The following GAB3 variants were observed in gnomAD, a reference collection of about 807,000 sequenced individuals.
The protein encoded by GAB3 is GRB2 associated binding protein 3, also known as GRB2-associated-binding protein 3.
A neutral mutation model predicts 40.4 loss-of-function variants in GAB3; 12 were observed. The ratio of observed to expected loss-of-function variants is 0.30; its 90% CI spans 0.19 to 0.48. GAB3 has a LOEUF of 0.48. Among genes scored for constraint, GAB3 ranks in the 20% least tolerant of loss-of-function variants. The probability of loss-of-function intolerance (pLI) is 0.99; values close to 1 mark genes in which losing one functional copy is unlikely to be tolerated. For missense variants in GAB3, 381 were observed against 461.9 expected (o/e 0.82, Z 1.61); for synonymous variants, 154 against 176.7 (o/e 0.87, Z 1.02).
intron 6 of GAB3, among the ~76,000 whole-genome samples, chrX:154,698,194 T>C (rs369951623): frequency 2.0e-4 from 22 of 112,811 alleles, no homozygotes; most frequent in African/African-American, 6.1e-4. Flanking sequence ...TGTTTAATTG[T>C]TTCTGACCAG....
chrX:154,750,240 T>A (rs1557262507), intron 1 of GAB3, among the ~76,000 whole-genome samples: 1 of 112,505 alleles, frequency 8.9e-6, no homozygotes, highest in Non-Finnish European at 1.9e-5. Context: ...GACCTTATCG[T>A]GAGGACGCTG....
intron 6 of GAB3, among the ~76,000 whole-genome samples, chrX:154,698,858 C>G (rs1438065019): frequency 1.8e-5 from 2 of 112,031 alleles, no homozygotes; most frequent in African/African-American, 6.5e-5. Context: ...CTGCATGTGA[C>G]TGGGTCTGAC....
chrX:154,746,017 A>G (rs1316191533), intron 1 of GAB3, among the ~76,000 whole-genome samples: 1 of 104,435 alleles, frequency 9.6e-6, no homozygotes, highest in African/African-American at 3.6e-5. Flanking sequence ...GTGCCACTGC[A>G]CTTCAGCCTG....
At chrX:154,722,400 C>A (rs2071147672) in intron 1 of GAB3, among the ~76,000 whole-genome samples, 1 of 111,669 alleles carries the variant, frequency 9.0e-6, no homozygotes, top group African/African-American at 3.3e-5. Flanking sequence ...AGCTAAAGAT[C>A]CAACCAGCAT....
chrX:154,721,254 C>T (rs1293709335), intron 1 of GAB3, among the ~76,000 whole-genome samples: 2 of 112,205 alleles, frequency 1.8e-5, no homozygotes, highest in Non-Finnish European at 3.8e-5. Flanking sequence ...TATCTTAGTC[C>T]ATTTTCTTTT....
intron 4 of GAB3, among the ~76,000 whole-genome samples, chrX:154,710,083 A>AC (rs2070908305): frequency 2.0e-5 from 2 of 101,007 alleles, no homozygotes; most frequent in South Asian, 1.3e-3. Flanking sequence ...ATGCATATGC[A>AC]TATCAAATCA....
intron 8 of GAB3, among the ~76,000 whole-genome samples, chrX:154,687,227 A>G (rs1419895176): frequency 2.7e-5 from 3 of 110,370 alleles, no homozygotes; most frequent in Non-Finnish European, 5.7e-5. Flanking sequence ...AAAAACAAAA[A>G]CCAATCTGAG....
chrX:154,692,354 G>T (rs1603423451), intron 8 of GAB3, among the ~76,000 whole-genome samples: 2 of 111,588 alleles, frequency 1.8e-5, no homozygotes, highest in African/African-American at 6.5e-5. Context: ...ATATGCAAAG[G>T]ACTTGAATAG....
At chrX:154,701,793 T>A (rs782313640) in intron 4 of GAB3, among the ~76,000 whole-genome samples, 88 of 111,631 alleles carry the variant, frequency 7.9e-4, no homozygotes, top group African/African-American at 2.8e-3. Flanking sequence ...TACCTAGGAA[T>A]TAACTTAACC....
In GAB3 at chrX:154,700,021, G is replaced by A. The variant is rs1557251814; in HGVS notation, c.1108C>T (p.Arg370Trp). The change falls in exon 5 of 10, where the codon CGG becomes TGG. Residue 370 changes from arginine to tryptophan, a missense_variant. Transcript: ENST00000424127. Reference protein sequence around the residue: ...EGQSLRHRDKRLSLNLPCRFS... With the variant: ...EGQSLRHRDKWLSLNLPCRFS... ...GAACTTACCAAATTCAAACTAAGCC[G>A]CTTGTCTCGGTGTCTTAAGGATTGG... 8 of 1,206,337 alleles carry A rather than the reference G, an allele frequency of 6.6e-6. No individual in the cohort carries two copies. Among genetic ancestry groups the A allele is most frequent in the Non-Finnish European group, 7.8e-6 (7 of 893,252 alleles).
At chrX:154,712,729 C>A in intron 3 of GAB3, 28 bp from the exon 4 acceptor site, 2 of 992,682 alleles carry the variant, frequency 2.0e-6, no homozygotes, top group Non-Finnish European at 2.7e-6. Context: ...GTAAGTTGGA[C>A]TAAAATGCAG....
intron 4 of GAB3, among the ~76,000 whole-genome samples, chrX:154,710,069 C>T (rs1391851596): frequency 2.7e-5 from 3 of 110,198 alleles, no homozygotes; most frequent in South Asian, 8.8e-4. Context: ...ATAATCAGTA[C>T]ATAATGCATA....
At chrX:154,687,023 C>T (rs6655253) in intron 8 of GAB3, among the ~76,000 whole-genome samples, 68 of 108,799 alleles carry the variant, frequency 6.3e-4, no homozygotes, top group African/African-American at 1.9e-3. Context: ...ATCCCTGTCT[C>T]TACTAAAAAT....
At chrX:154,731,109 G>A (rs2071284446) in intron 1 of GAB3, among the ~76,000 whole-genome samples, 1 of 112,045 alleles carries the variant, frequency 8.9e-6, no homozygotes, top group Admixed American at 9.4e-5. Flanking sequence ...ATCCTGGCCA[G>A]TTTCTCATTA....
chrX:154,713,468 TA>T, intron 2 of GAB3, 42 bp from the exon 3 acceptor site: 1 of 1,075,334 alleles, frequency 9.3e-7, no homozygotes, highest in Non-Finnish European at 1.3e-6. Context: ...AGAATGGCTA[TA>T]ACACGCACTC....
chrX:154,734,076 AT>A (rs2071331800), intron 1 of GAB3, among the ~76,000 whole-genome samples: 1 of 112,522 alleles, frequency 8.9e-6, no homozygotes, highest in African/African-American at 3.2e-5. Flanking sequence ...TTAACTTCTA[AT>A]TACACTGTTC....
At chrX:154,719,010 A>G (rs1221671343) in intron 1 of GAB3, among the ~76,000 whole-genome samples, 1 of 111,854 alleles carries the variant, frequency 8.9e-6, no homozygotes, top group East Asian at 2.8e-4. Context: ...ATGAAGCTAG[A>G]AAAGGGGATT....
intron 4 of GAB3, among the ~76,000 whole-genome samples, chrX:154,706,341 G>A (rs1444777858): frequency 9.2e-6 from 1 of 108,455 alleles, no homozygotes; most frequent in Non-Finnish European, 1.9e-5. Context: ...GCTTGAACCT[G>A]GAAGGCAGAG....
At chrX:154,707,037 A>G (rs1246564057) in intron 4 of GAB3, among the ~76,000 whole-genome samples, 5 of 111,956 alleles carry the variant, frequency 4.5e-5, no homozygotes, top group African/African-American at 1.6e-4. Flanking sequence ...GAAAACAGAC[A>G]CATAGACCAA....
Sources: gnomAD v4.1 joint callset for allele counts (sites outside exome capture counted in the v4.1 genomes callset) on GRCh38, gnomAD v4.1.1 for gene constraint, MANE v1.5 for transcripts, NCBI Gene and HGNC (gene_info 2026-07-23, HGNC 2026-07-21) for gene names.